The following ABHD2 variants were observed in gnomAD, a reference collection of about 807,000 sequenced individuals.
The protein encoded by ABHD2 is monoacylglycerol lipase ABHD2.
Under a neutral mutation model 48.1 loss-of-function variants are expected in ABHD2, and 20 were observed. That is an observed-to-expected ratio of 0.42 (90% CI 0.29 to 0.60). The LOEUF (loss-of-function observed/expected upper bound fraction) is 0.60. Ranked by LOEUF, ABHD2 falls within the 20% of genes least tolerant of loss-of-function variation. ABHD2 has a pLI of 0.24. For missense variants in ABHD2, 405 were observed against 550.9 expected, an observed-to-expected ratio of 0.74 and a Z score of 2.65; for synonymous variants, 209 against 214.2, an observed-to-expected ratio of 0.98 and a Z score of 0.21.
chr15:89,187,671 A>G (rs2051233529), intron 7 of ABHD2, among the ~76,000 whole-genome samples: 1 of 152,212 alleles, frequency 6.6e-6, no homozygotes, highest in Non-Finnish European at 1.5e-5. Context: ...GCTCTCCTGA[A>G]TAGATGTTAG....
the ABHD2 span, among the ~76,000 whole-genome samples, chr15:89,047,781 C>T: frequency 2.7e-5 from 4 of 147,362 alleles, no homozygotes; most frequent in African/African-American, 1.0e-4. Flanking sequence ...TATTTTGAGC[C>T]TATGTGTGTC....
At chr15:89,162,920 C>T (rs1157129682) in intron 5 of ABHD2, among the ~76,000 whole-genome samples, 5 of 152,338 alleles carry the variant, frequency 3.3e-5, no homozygotes, top group Admixed American at 2.6e-4. Context: ...GCATTCACTG[C>T]ATCAGTGTTT....
At chr15:89,136,294 T>C in intron 3 of ABHD2, 1 of 448,880 alleles carries the variant, frequency 2.2e-6, no homozygotes, top group South Asian at 1.7e-5. Context: ...GTATGGGCCC[T>C]GTCTGCCTTT....
chr15:89,172,412 T>A lies in ABHD2; in HGVS notation c.539-3400T>A, dbSNP rs189568204. Among the ~76,000 whole-genome samples, 8 of 152,378 alleles carry A rather than the reference T, an allele frequency of 5.3e-5. No individual in the cohort carries two copies. The East Asian group carries it at 1.3e-3, about 26-fold the overall frequency. ...GAGTGGTTTACTTCATGTAGCATAA[T>A]GTCCTCAAGGTTCTTCCATGCTGTA... On this transcript the variant is annotated intron_variant, in intron 5 of 10. Coordinates refer to ENST00000352732, the MANE Select transcript of ABHD2 (RefSeq NM_152924.5).
the ABHD2 span, among the ~76,000 whole-genome samples, chr15:89,057,632 G>T: frequency 7.9e-5 from 12 of 152,170 alleles, no homozygotes; most frequent in African/African-American, 2.9e-4. Context: ...CTCCTGAGAG[G>T]CAGGCCCCGT....
Position 89,195,303 on chromosome 15 carries a change from C to T in ABHD2, c.1158C>T (p.Phe386=). 6.2e-7 allele frequency: 1 copy of T among 1,614,228 alleles called. No homozygotes were observed. The highest frequency in any genetic ancestry group is 8.5e-7 in the Non-Finnish European group (1 of 1,180,028). The change falls in exon 11 of 11, where the codon TTC becomes TTT. Residue 386 remains phenylalanine (F), a synonymous_variant. Transcript: ENST00000352732. This position sits in a 1 kb window ranked among gnomAD's most constrained non-coding sequence, Gnocchi z 5.1. ...HLGFFEGSVL[F]PEPLTWMDKL... is the part of the protein sequence containing the mutation. Reference sequence around the variant, plus strand: ...GCTTCTTTGAGGGCTCTGTGCTGTTCCCCGAGCCCCTGACATGGATGGATA... The same window carrying T: ...GCTTCTTTGAGGGCTCTGTGCTGTTTCCCGAGCCCCTGACATGGATGGATA...
At chr15:89,068,187 T>C in the ABHD2 span, among the ~76,000 whole-genome samples, 1 of 87,488 alleles carries the variant, frequency 1.1e-5, no homozygotes, top group Non-Finnish European at 2.3e-5. Context: ...CATACACACA[T>C]GTGCGCGTGC....
At chr15:89,156,032 T>G (rs2050667511) in intron 5 of ABHD2, among the ~76,000 whole-genome samples, 1 of 152,192 alleles carries the variant, frequency 6.6e-6, no homozygotes, top group African/African-American at 2.4e-5. Context: ...TGCTTCTTGA[T>G]TTGAATTAAA....
chr15:89,190,429 T>C (rs2238312), intron 8 of ABHD2, among the ~76,000 whole-genome samples: 11,209 of 152,282 alleles, frequency 0.074, 556 homozygotes, highest in East Asian at 0.14. Flanking sequence ...AGGGACAGAA[T>C]TGGTAACTTT....
In ABHD2 at chr15:89,168,048, A is replaced by C. The variant is rs937869517; in HGVS notation, c.539-7764A>C. On this transcript the variant is annotated intron_variant, in intron 5 of 10. Coordinates refer to ENST00000352732, the MANE Select transcript of ABHD2 (RefSeq NM_152924.5). The surrounding 1 kb of genome is among the most constrained non-coding windows in gnomAD (Gnocchi z 4.8). ...CATGGAACATACAGAGATGACTCAG[A>C]GTCTCCATCCACAAGGAACACCAAG... Among the ~76,000 whole-genome samples the C allele has an allele frequency of 3.3e-5, 5 of 152,186 alleles. No individual in the cohort carries two copies. Among genetic ancestry groups the C allele is most frequent in the Non-Finnish European group, 7.3e-5 (5 of 68,038 alleles).
the ABHD2 span, among the ~76,000 whole-genome samples, chr15:89,066,352 C>A: frequency 1.3e-5 from 2 of 152,134 alleles, no homozygotes; most frequent in South Asian, 4.1e-4. Flanking sequence ...ATCATTCCAG[C>A]ATCTGCACTT....
At position 89,195,443 on chromosome 15, in the gene ABHD2, G is replaced by A. The variant is rs745709292; in HGVS notation, c.*20G>A. 6.0e-5 allele frequency: 97 copies of A among 1,607,204 alleles called. No homozygotes were observed. The highest frequency in any genetic ancestry group is 7.0e-5 in the Non-Finnish European group (82 of 1,176,760). On this transcript the variant is annotated 3_prime_UTR_variant, in exon 11 of 11. Transcript: ENST00000352732. The surrounding 1 kb of genome is among the most constrained non-coding windows in gnomAD (Gnocchi z 5.1). Reference sequence around the variant, plus strand: ...GAGTGAGGCCTCCGGACTCTGGCACGCTCCAGCAGCCCTCCTCTGGAAGCT... The same window carrying A: ...GAGTGAGGCCTCCGGACTCTGGCACACTCCAGCAGCCCTCCTCTGGAAGCT...
In ABHD2 at chr15:89,094,757, C is replaced by T. The variant is rs2049585076; in HGVS notation, c.-107+6194C>T. ...AAAACAAATAAGGAAATACAAAAGC[C>T]CTGTCATCTAAAAAGATATTTTAGC... On this transcript the variant is annotated intron_variant, in intron 1 of 10. Coordinates refer to ENST00000352732, the MANE Select transcript of ABHD2 (RefSeq NM_152924.5). The surrounding 1 kb of genome is among the most constrained non-coding windows in gnomAD (Gnocchi z 4.7). 6.6e-6 allele frequency among the ~76,000 whole-genome samples: 1 copy of T among 150,770 alleles called. No homozygotes were observed. The highest frequency in any genetic ancestry group is 1.5e-5 in the Non-Finnish European group (1 of 67,750).
At chr15:89,072,726 C>G in the ABHD2 span, among the ~76,000 whole-genome samples, 1 of 152,160 alleles carries the variant, frequency 6.6e-6, no homozygotes, top group African/African-American at 2.4e-5. Flanking sequence ...GGTATTCACC[C>G]ATTCATCCAT....
At chr15:89,051,143 G>A in the ABHD2 span, among the ~76,000 whole-genome samples, 1 of 152,182 alleles carries the variant, frequency 6.6e-6, no homozygotes, top group African/African-American at 2.4e-5. Flanking sequence ...TGAGGCAGGA[G>A]AATTGCTTCA....
At chr15:89,046,978 A>C in the ABHD2 span, among the ~76,000 whole-genome samples, 1 of 151,220 alleles carries the variant, frequency 6.6e-6, no homozygotes, top group African/African-American at 2.4e-5. Flanking sequence ...AGTTCTTTTA[A>C]TTGTGATGTT....
At chr15:89,124,379 A>G (rs1363840303) in intron 3 of ABHD2, among the ~76,000 whole-genome samples, 2 of 152,348 alleles carry the variant, frequency 1.3e-5, no homozygotes, top group Middle Eastern at 3.4e-3. Context: ...GGCAAATGCA[A>G]CTTCACACAC....
chr15:89,045,226 G>T, the ABHD2 span, among the ~76,000 whole-genome samples: 126 of 151,404 alleles, frequency 8.3e-4, no homozygotes, highest in Middle Eastern at 3.4e-3. Context: ...GATATGCGGC[G>T]TTATTTCTGA....
In ABHD2 at chr15:89,179,260, C is replaced by T. The variant is rs2051068025; in HGVS notation, c.722+3265C>T. 6.6e-6 allele frequency among the ~76,000 whole-genome samples: 1 copy of T among 152,282 alleles called. No individual in the cohort carries two copies. Among genetic ancestry groups the T allele is most frequent in the South Asian group, 2.1e-4 (1 of 4,818 alleles). On this transcript the variant is annotated intron_variant, in intron 6 of 10. Coordinates refer to ENST00000352732, the MANE Select transcript of ABHD2 (RefSeq NM_152924.5). The surrounding 1 kb of genome is among the most constrained non-coding windows in gnomAD (Gnocchi z 4.3). Reference sequence around the variant, plus strand: ...AACTGCTGTTAGGAACCAGGCCGCACAGCAGGAGGTGAGCGGTGGGCAGGT... The same window carrying T: ...AACTGCTGTTAGGAACCAGGCCGCATAGCAGGAGGTGAGCGGTGGGCAGGT...
Sources: gnomAD v4.1 joint callset for allele counts (sites outside exome capture counted in the v4.1 genomes callset) on GRCh38, gnomAD v4.1.1 for gene constraint, Gnocchi (gnomAD v3.1) non-coding constraint, MANE v1.5 for transcripts, NCBI Gene and HGNC (gene_info 2026-07-23, HGNC 2026-07-21) for gene names.